MSH3: variants seen among roughly 807,000 people sequenced by gnomAD.
MSH3 encodes mutS homolog 3.
In MSH3, 106 loss-of-function variants were observed where a neutral mutation model predicts 123.3. The observed-to-expected ratio is 0.86, with a 90% CI of 0.73 to 1.01. The LOEUF (loss-of-function observed/expected upper bound fraction) is 1.01, where lower values mean the gene tolerates loss of function less well. MSH3 is among the 50% of genes least tolerant of loss of function. MSH3 has a pLI of 0.00. For synonymous variants in MSH3, 515 were observed against 481.4 expected, an observed-to-expected ratio of 1.07 and a Z score of -0.91; for missense variants, 1,459 against 1,347.6, an observed-to-expected ratio of 1.08 and a Z score of -1.29.
chr5:80,831,169 GT>G (rs1488112645), intron 20 of MSH3, among the ~76,000 whole-genome samples: 1 of 152,114 alleles, frequency 6.6e-6, no homozygotes, highest in Non-Finnish European at 1.5e-5. Context: ...GCTAATAAAT[GT>G]TTTTCATATT....
intron 12 of MSH3, among the ~76,000 whole-genome samples, chr5:80,747,132 G>A (rs1271666897): frequency 1.3e-5 from 2 of 152,194 alleles, no homozygotes; most frequent in Admixed American, 6.5e-5. Context: ...AACAGTGTAA[G>A]GGATGCAGCA....
intron 13 of MSH3, 152 bp from the exon 14 acceptor site, chr5:80,767,781 T>C (rs1744147175): frequency 3.1e-6 from 2 of 636,608 alleles, no homozygotes; most frequent in South Asian, 2.0e-5. Context: ...TTTAACCTCA[T>C]TTAGAAAATA....
At chr5:80,779,236 G>A (rs567235320) in intron 17 of MSH3, among the ~76,000 whole-genome samples, 4 of 151,910 alleles carry the variant, frequency 2.6e-5, no homozygotes, top group South Asian at 2.1e-4. Flanking sequence ...CAAGTGATCC[G>A]CCTGCCTCAG....
intron 14 of MSH3, among the ~76,000 whole-genome samples, chr5:80,768,410 A>G (rs1312793096): frequency 6.6e-6 from 1 of 152,130 alleles, no homozygotes; most frequent in African/African-American, 2.4e-5. Flanking sequence ...TATTAACCCC[A>G]AAATGAGTGT....
chr5:80,708,859 C>G (rs1490610018), intron 8 of MSH3, among the ~76,000 whole-genome samples: 3 of 152,108 alleles, frequency 2.0e-5, no homozygotes, highest in Non-Finnish European at 4.4e-5. Flanking sequence ...ACTTCAACCT[C>G]CGCCTCCTGG....
rs971423344 is a variant in MSH3, at chr5:80,876,681, C to T, written c.*819C>T. On this transcript the variant is annotated 3_prime_UTR_variant, in exon 24 of 24. Transcript: ENST00000265081. ...AATAGAATTATCAAGCTTTTAAAAA[C>T]TAGAGCACAGAAGGAATAAGGTCAT... 1.3e-5 allele frequency among the ~76,000 whole-genome samples: 2 copies of T among 150,746 alleles called. No individual in the cohort carries two copies. Among genetic ancestry groups the T allele is most frequent in the Non-Finnish European group, 1.5e-5 (1 of 67,636 alleles).
At chr5:80,773,933 A>G (rs981195968) in intron 15 of MSH3, among the ~76,000 whole-genome samples, 1 of 152,028 alleles carries the variant, frequency 6.6e-6, no homozygotes, top group African/African-American at 2.4e-5. Context: ...ACGCCTGGCT[A>G]ATTTTTGTAT....
chr5:80,726,691 A>G (rs1360140294), intron 9 of MSH3, among the ~76,000 whole-genome samples: 1 of 150,036 alleles, frequency 6.7e-6, no homozygotes, highest in Non-Finnish European at 1.5e-5. Flanking sequence ...CTGGTCTTGA[A>G]CTCCTGGGCT....
At position 80,670,248 on chromosome 5, in the gene MSH3, A is replaced by G. The variant is rs939095293; in HGVS notation, c.731A>G (p.Lys244Arg). 1.9e-6 allele frequency: 3 copies of G among 1,614,038 alleles called. No individual in the cohort carries two copies. The highest frequency in any genetic ancestry group is 2.5e-6 in the Non-Finnish European group (3 of 1,180,020). Residue 244 changes from lysine (K) to arginine (R), a missense_variant, in exon 4 of 24, where the codon AAA becomes AGA. By Grantham distance (26) the Lys-to-Arg change is conservative. Transcript: ENST00000265081. ...LQYIEMKQQH[K>R]DAVLCVECGY... ...TACATAGAAATGAAGCAGCAGCACA[A>G]AGATGCAGTTTTGTGTGTGGAATGT...
At chr5:80,776,667 G>T (rs1744303690) in intron 16 of MSH3, among the ~76,000 whole-genome samples, 1 of 151,830 alleles carries the variant, frequency 6.6e-6, no homozygotes, top group Non-Finnish European at 1.5e-5. Context: ...TATTAGGGAA[G>T]TATATACAGC....
rs545826957 is a variant in MSH3, at chr5:80,675,001, A to G, written c.1046A>G (p.Lys349Arg). The change falls in exon 7 of 24, where the codon AAG becomes AGG. Residue 349 changes from lysine to arginine, a missense_variant. Coordinates refer to ENST00000265081, the MANE Select transcript of MSH3 (RefSeq NM_002439.5). ...LIGEDVNPLI[K>R]LDDAVNVDEI... ...TTATTAAATGTGAATCCCCTAATCA[A>G]GCTGGATGATGCTGTAAATGTTGAT... 3.1e-6 allele frequency: 5 copies of G among 1,609,054 alleles called. No individual in the cohort carries two copies. In the South Asian group the frequency reaches 4.4e-5, roughly 14 times the overall value.
At chr5:80,673,093 G>A (rs1282312577) in intron 6 of MSH3, among the ~76,000 whole-genome samples, 2 of 151,974 alleles carry the variant, frequency 1.3e-5, no homozygotes, top group Non-Finnish European at 2.9e-5. Flanking sequence ...TCAAGAGCAA[G>A]AAAAAAAGCA....
chr5:80,775,521 C>T (rs779709148), intron 15 of MSH3, among the ~76,000 whole-genome samples, 173 bp from the exon 16 acceptor site: 6 of 151,888 alleles, frequency 4.0e-5, no homozygotes, highest in Non-Finnish European at 8.8e-5. Flanking sequence ...AGTAGTGAAC[C>T]CTTAATTAAT....
intron 20 of MSH3, among the ~76,000 whole-genome samples, chr5:80,824,014 C>T (rs1263394734): frequency 1.3e-5 from 2 of 152,160 alleles, no homozygotes; most frequent in African/African-American, 4.8e-5. Flanking sequence ...GGGTTGGGGG[C>T]AAGGTCATAG....
chr5:80,787,775 G>A, intron 18 of MSH3, 103 bp downstream of exon 18: 1 of 814,482 alleles, frequency 1.2e-6, no homozygotes, highest in Non-Finnish European at 2.1e-6. Context: ...TTACTCAAAT[G>A]TGTTAGACTC....
intron 12 of MSH3, among the ~76,000 whole-genome samples, chr5:80,753,401 T>C (rs1195393099): frequency 2.0e-5 from 3 of 152,166 alleles, no homozygotes; most frequent in Admixed American, 6.5e-5. Context: ...AGGGAGACTT[T>C]AGGAGGATTA....
intron 20 of MSH3, among the ~76,000 whole-genome samples, chr5:80,827,471 G>A (rs1006671898): frequency 6.6e-6 from 1 of 152,204 alleles, no homozygotes; most frequent in Non-Finnish European, 1.5e-5. Context: ...AGCACTGACT[G>A]TGGAGTATTT....
chr5:80,742,167 G>A (rs559234228), intron 11 of MSH3, among the ~76,000 whole-genome samples: 4 of 152,108 alleles, frequency 2.6e-5, no homozygotes, highest in Admixed American at 6.5e-5. Context: ...CTGCCACCAC[G>A]CCTGGCTAAT....
At position 80,810,747 on chromosome 5, in the gene MSH3, A is replaced by T. The variant is rs545270390; in HGVS notation, c.2656-2837A>T. ...ATGAACATGGTATATTCCTTCATTT[A>T]ATTAGGTCTTCTTTAATTTCTTTCA... is the stretch of plus-strand genomic sequence containing the variant. On this transcript the variant is annotated intron_variant, in intron 19 of 23. Coordinates refer to ENST00000265081, the MANE Select transcript of MSH3 (RefSeq NM_002439.5). Among the ~76,000 whole-genome samples the T allele has an allele frequency of 1.5e-3, 227 of 152,210 alleles. 1 individual carries two copies. Among genetic ancestry groups the T allele is most frequent in the African/African-American group, 5.3e-3 (221 of 41,538 alleles).
Sources: allele counts gnomAD v4.1 joint callset (sites outside exome capture counted in the v4.1 genomes callset), GRCh38; gene constraint gnomAD v4.1.1; transcripts MANE v1.5; gene names NCBI Gene and HGNC (gene_info 2026-07-23, HGNC 2026-07-21).